The following DCLK1 variants were observed in gnomAD, a reference collection of about 807,000 sequenced individuals.
DCLK1 encodes doublecortin like kinase 1, also known as serine/threonine-protein kinase DCLK1.
In DCLK1, 16 loss-of-function variants were observed where a neutral mutation model predicts 86.2. That is an observed-to-expected ratio of 0.19 (90% CI 0.13 to 0.28). The LOEUF (loss-of-function observed/expected upper bound fraction) is 0.28, where lower values mean the gene tolerates loss of function less well. Among genes scored for constraint, DCLK1 ranks in the 10% least tolerant of loss-of-function variants. The probability of loss-of-function intolerance (pLI) is 1.00; values close to 1 mark genes in which losing one functional copy is unlikely to be tolerated. For missense variants in DCLK1, 590 were observed against 940.2 expected (o/e 0.63, Z 4.87); for synonymous variants, 369 against 370.5 (o/e 1.00, Z 0.05).
chr13:36,054,956 C>T (rs532443905), intron 3 of DCLK1, among the ~76,000 whole-genome samples: 26 of 152,218 alleles, frequency 1.7e-4, no homozygotes, highest in African/African-American at 5.5e-4. Flanking sequence ...CCACACTATG[C>T]GTTCTGTATA....
At position 35,869,893 on chromosome 13, in the gene DCLK1, G is replaced by A. The variant is rs184263881; in HGVS notation, c.940+1331C>T. 7.3e-4 allele frequency among the ~76,000 whole-genome samples: 111 copies of A among 152,302 alleles called. 1 individual carries two copies. Among genetic ancestry groups the A allele is most frequent in the Admixed American group, 6.3e-3 (96 of 15,292 alleles). The stretch of plus-strand genomic sequence containing the variant: ...CACCTGGAGTACTTGCTGAAACACA[G>A]GTTTAGGTCCTTAGTCAGAATCTCA... On this transcript the variant is annotated intron_variant, in intron 5 of 16. Transcript: ENST00000360631.
intron 4 of DCLK1, among the ~76,000 whole-genome samples, chr13:35,924,865 T>G (rs1876023794): frequency 6.6e-6 from 1 of 152,188 alleles, no homozygotes; most frequent in Non-Finnish European, 1.5e-5. Context: ...TGAATAATGC[T>G]TTATAAGAAT....
chr13:35,803,661 C>T (rs1339127156), intron 15 of DCLK1, among the ~76,000 whole-genome samples: 4 of 152,146 alleles, frequency 2.6e-5, no homozygotes, highest in African/African-American at 9.6e-5. Context: ...ATGTAGTCAC[C>T]TGACACATTG....
rs2086334140 is a variant in DCLK1, at chr13:35,771,580, T to C, written c.*2955A>G. 6.6e-6 allele frequency: 1 copy of C among 152,190 alleles called. No homozygotes were observed. The highest frequency in any genetic ancestry group is 1.5e-5 in the Non-Finnish European group (1 of 68,044). The allele number at this position is 152,190 out of a possible 1,614,324, so 9.4% of individuals were successfully genotyped here. ...ATGTCTACAGAGATGATTTACACGA[T>C]GCAAGTAATGAAAGAGTTCTTCCTT... On this transcript the variant is annotated 3_prime_UTR_variant, in exon 17 of 17. Transcript: ENST00000360631.
intron 3 of DCLK1, among the ~76,000 whole-genome samples, chr13:35,976,483 T>C (rs1204457415): frequency 1.3e-5 from 2 of 149,364 alleles, no homozygotes; most frequent in African/African-American, 4.9e-5. Flanking sequence ...ATTCTGTGAG[T>C]GACCCTGAGA....
chr13:35,806,951 T>G (rs80329507), intron 14 of DCLK1, among the ~76,000 whole-genome samples: 1 of 152,198 alleles, frequency 6.6e-6, no homozygotes, highest in Non-Finnish European at 1.5e-5. Flanking sequence ...AAAGTGGTCA[T>G]GTCTGAGGGG....
chr13:35,878,625 A>C lies in DCLK1; in HGVS notation c.824-7285T>G, dbSNP rs1245310305. Among the ~76,000 whole-genome samples the C allele has an allele frequency of 4.6e-5, 7 of 152,294 alleles. No individual in the cohort carries two copies. In the East Asian group the frequency reaches 1.4e-3, roughly 29 times the overall value. ...AACAGGGTGACTACAATGAAGAATA[A>C]TTTAATTGTATACTTAAAAATAACT... On this transcript the variant is annotated intron_variant, in intron 4 of 16. Coordinates refer to ENST00000360631, the MANE Select transcript of DCLK1 (RefSeq NM_001330071.2).
chr13:35,972,848 G>A (rs765299837), intron 3 of DCLK1, among the ~76,000 whole-genome samples: 1 of 152,114 alleles, frequency 6.6e-6, no homozygotes, highest in Non-Finnish European at 1.5e-5. Flanking sequence ...GCAGCCTCCT[G>A]GTGCAGTCCT....
intron 2 of DCLK1, among the ~76,000 whole-genome samples, chr13:36,116,548 T>C (rs534998650): frequency 9.1e-4 from 139 of 152,226 alleles, no homozygotes; most frequent in African/African-American, 3.1e-3. Context: ...AGTTTTTTCA[T>C]TGGCTAAGAG....
intron 4 of DCLK1, among the ~76,000 whole-genome samples, chr13:35,927,417 G>A (rs1464187362): frequency 5.9e-5 from 9 of 152,180 alleles, no homozygotes; most frequent in Non-Finnish European, 1.2e-4. Context: ...TCCCTGTCCT[G>A]AGCTGGGAGC....
intron 11 of DCLK1, among the ~76,000 whole-genome samples, chr13:35,815,880 T>C (rs1242384951): frequency 6.6e-6 from 1 of 152,010 alleles, no homozygotes; most frequent in Non-Finnish European, 1.5e-5. Flanking sequence ...ATAATAAAAA[T>C]AATGAATGTT....
At chr13:35,970,249 G>A (rs540112032) in intron 3 of DCLK1, among the ~76,000 whole-genome samples, 2 of 152,252 alleles carry the variant, frequency 1.3e-5, no homozygotes, top group African/African-American at 4.8e-5. Flanking sequence ...GAAATTAGTT[G>A]TGAAAAGCAA....
Position 36,111,883 on chromosome 13 carries a change from A to G in DCLK1, c.709T>C (p.Leu237=). The part of the protein sequence containing the change: ...DSGVVKRLYT[L]DGKQVMCLQD... ...ATGTCTCTTACCTGTTTCCCATCCA[A>G]CGTGTACAGGCGTTTCACCACTCCC... Residue 237 remains leucine, a synonymous_variant, in exon 3 of 17, where the codon TTG becomes CTG. Transcript: ENST00000360631. 1 of 1,612,196 alleles carries G rather than the reference A, an allele frequency of 6.2e-7. No homozygotes were observed.
intron 3 of DCLK1, among the ~76,000 whole-genome samples, chr13:35,984,757 T>C (rs1379202493): frequency 6.6e-6 from 1 of 152,146 alleles, no homozygotes; most frequent in Non-Finnish European, 1.5e-5. Flanking sequence ...ATTCCCCTGA[T>C]CCAGGTATCA....
At chr13:36,040,854 A>C (rs577862817) in intron 3 of DCLK1, among the ~76,000 whole-genome samples, 1 of 152,138 alleles carries the variant, frequency 6.6e-6, no homozygotes, top group Admixed American at 6.6e-5. Context: ...GTGTTGGTCA[A>C]ATTGTTCCAG....
chr13:35,915,948 T>A (rs1010106552), intron 4 of DCLK1, among the ~76,000 whole-genome samples: 1 of 152,166 alleles, frequency 6.6e-6, no homozygotes, highest in Non-Finnish European at 1.5e-5. Flanking sequence ...CAAAGAAGAA[T>A]AAGAGTAAGT....
At chr13:36,092,555 C>A (rs1164580745) in intron 3 of DCLK1, among the ~76,000 whole-genome samples, 1 of 131,444 alleles carries the variant, frequency 7.6e-6, no homozygotes, top group Non-Finnish European at 1.6e-5. Context: ...GGCGGGATCT[C>A]GGCTCACTGC....
At position 35,869,086 on chromosome 13, in the gene DCLK1, C is replaced by T. The variant is rs376103678; in HGVS notation, c.940+2138G>A. On this transcript the variant is annotated intron_variant, in intron 5 of 16. Transcript: ENST00000360631. ...GATTACAGGTATGAGCCACCAGGCC[C>T]GGGCCTATAGCCCAGATTTAATCAG... The T allele has an allele frequency of 2.4e-3, 1,195 of 506,298 alleles. 27 individuals are homozygous for T. The highest frequency in any genetic ancestry group is 0.017 in the South Asian group (1,141 of 68,776). The allele number at this position is 506,298 out of a possible 1,614,324, so 31.4% of individuals were successfully genotyped here.
chr13:36,004,587 TG>T (rs1157385682), intron 3 of DCLK1, among the ~76,000 whole-genome samples: 1 of 152,146 alleles, frequency 6.6e-6, no homozygotes, highest in Admixed American at 6.6e-5. Flanking sequence ...TTGTTGTTGT[TG>T]TTGTTTTGTT....
Sources: allele counts gnomAD v4.1 joint callset (sites outside exome capture counted in the v4.1 genomes callset), GRCh38; gene constraint gnomAD v4.1.1; transcripts MANE v1.5; gene names NCBI Gene and HGNC (gene_info 2026-07-23, HGNC 2026-07-21).